Variants in FLNC observed in about 807,000 individuals in gnomAD.
The protein encoded by FLNC is filamin-C.
A neutral mutation model predicts 254.3 loss-of-function variants in FLNC; 91 were observed. The ratio of observed to expected loss-of-function variants is 0.36; its 90% CI spans 0.30 to 0.43. FLNC has a LOEUF of 0.43. Ranked by LOEUF, FLNC falls within the 20% of genes least tolerant of loss-of-function variation. The pLI, the probability that FLNC is intolerant of heterozygous loss-of-function variation, is 1.00. For missense variants in FLNC, 2,853 were observed against 3,802.6 expected (o/e 0.75, Z 6.57); for synonymous variants, 1,430 against 1,577.2 (o/e 0.91, Z 2.21).
At chr7:128,840,308 C>T (rs1047165548) in intron 9 of FLNC, 148 bp downstream of exon 9, 1 of 1,050,412 alleles carries the variant, frequency 9.5e-7, no homozygotes. Context: ...GGCTCATTGT[C>T]TCCTCTCTGC....
In FLNC at chr7:128,835,714, C is replaced by A; in HGVS notation, c.601+140C>A. On this transcript the variant is annotated intron_variant, in intron 2 of 47. Transcript: ENST00000325888. The surrounding 1 kb of genome is among the most constrained non-coding windows in gnomAD (Gnocchi z 5.3). ...AGGATCCCCTGCAGGGTTTGTCCTC[C>A]TCCAGCTGTGGCTCTCCGCTGGCTG... The A allele has an allele frequency of 2.1e-6, 2 of 948,368 alleles. No homozygotes were observed. Among genetic ancestry groups the A allele is most frequent in the Non-Finnish European group, 1.6e-6 (1 of 623,788 alleles). 58.7% of individuals were successfully genotyped at this position (948,368 alleles called of 1,614,324 possible). A position where few individuals can be genotyped will look rare whatever the true frequency, so the allele number is the denominator to read the frequency against.
intron 1 of FLNC, among the ~76,000 whole-genome samples, chr7:128,832,537 G>T (rs1473625671): frequency 6.6e-6 from 1 of 152,204 alleles, no homozygotes; most frequent in Non-Finnish European, 1.5e-5. Flanking sequence ...GTCTGCGGGG[G>T]CTCTCGGCCC....
chr7:128,836,409 T>C lies in FLNC; in HGVS notation c.602-751T>C, dbSNP rs1808094870. 6.6e-6 allele frequency among the ~76,000 whole-genome samples: 1 copy of C among 152,270 alleles called. No individual in the cohort carries two copies. Among genetic ancestry groups the C allele is most frequent in the Admixed American group, 6.5e-5 (1 of 15,310 alleles). On this transcript the variant is annotated intron_variant, in intron 2 of 47. Transcript: ENST00000325888. This position sits in a 1 kb window ranked among gnomAD's most constrained non-coding sequence, Gnocchi z 6.0. ...CCATAACTGGTGTGGCTGCCAGCAG[T>C]GAGCTCAGCTGTTCCAGCCAGTCAT... is the stretch of plus-strand genomic sequence containing the variant.
chr7:128,842,403 A>C lies in FLNC; in HGVS notation c.2265+29A>C. ...CGTCCTCCCGGCCTGCCCCGTGCCC[A>C]CCACCAGGGGTCCCTGAGGGAGGGC... is the stretch of plus-strand genomic sequence containing the variant. On this transcript the variant is annotated intron_variant, in intron 14 of 47. Transcript: ENST00000325888. The surrounding 1 kb of genome is among the most constrained non-coding windows in gnomAD (Gnocchi z 5.4). 1 of 1,613,020 alleles carries C rather than the reference A, an allele frequency of 6.2e-7. No individual in the cohort carries two copies.
rs540386120 is a variant in FLNC at position 128,856,631 on chromosome 7, C to T, written c.7365C>T (p.Tyr2455=). 8.1e-6 allele frequency: 13 copies of T among 1,612,976 alleles called. No individual in the cohort carries two copies. Among genetic ancestry groups the T allele is most frequent in the East Asian group, 2.2e-5 (1 of 44,878 alleles). Residue 2455 remains tyrosine (Y), a synonymous_variant, in exon 44 of 48, where the codon TAC becomes TAT. Coordinates refer to ENST00000325888, the MANE Select transcript of FLNC (RefSeq NM_001458.5). This position sits in a 1 kb window ranked among gnomAD's most constrained non-coding sequence, Gnocchi z 5.9. ...CCTCGGGGGCTGTGGAGGAGTGCTA[C>T]GTCTCTGAGCTGGACAGTGGTGAGC... ...HTPSGAVEEC[Y]VSELDSDKHT... is the part of the protein sequence containing the mutation.
chr7:128,854,952 CCTT>C, intron 42 of FLNC, 40 bp downstream of exon 42: 1 of 1,609,756 alleles, frequency 6.2e-7, no homozygotes. Flanking sequence ...GCCTGCCTGA[CCTT>C]CCAGACTGGG....
At position 128,851,532 on chromosome 7, in the gene FLNC, G is replaced by A. The variant is rs763551371; in HGVS notation, c.5746G>A (p.Val1916Met). The change falls in exon 35 of 48, where the codon GTG becomes ATG. Residue 1916 changes from valine to methionine, a missense_variant. Physicochemically the swap from Val to Met is conservative, Grantham distance 21. Around this residue, in one of 10 missense-constraint regions of FLNC, gnomAD observed 551 missense variants for 835.0 expected, o/e 0.66. Coordinates refer to ENST00000325888, the MANE Select transcript of FLNC (RefSeq NM_001458.5). ...GGACAACAAGGATGGCACCTGCACCGTGTCCTATCTGCCGACTGCGCCTGG... is the reference window on the plus strand; with the variant it reads ...GGACAACAAGGATGGCACCTGCACCATGTCCTATCTGCCGACTGCGCCTGG... Reference protein sequence around the residue: ...CKDNKDGTCTVSYLPTAPGDY... With the variant: ...CKDNKDGTCTMSYLPTAPGDY... 9.3e-6 allele frequency: 15 copies of A among 1,613,876 alleles called. No homozygotes were observed. In the East Asian group the frequency reaches 1.3e-4, roughly 14 times the overall value.
intron 24 of FLNC, 133 bp downstream of exon 24, chr7:128,847,038 C>G (rs1002274500): frequency 7.0e-6 from 8 of 1,138,414 alleles, no homozygotes; most frequent in Non-Finnish European, 1.0e-5. Context: ...GGGTTGGGGC[C>G]GGAGCCCGGC....
In FLNC at chr7:128,842,075, G is replaced by GC; in HGVS notation, c.2122-155dup. Reference sequence around the variant, plus strand: ...CCCAGGGTGGGCTCTGGCCGCCAGAGCACGTGGCCCTGGGCTCTGGTGGCC... The same window carrying GC: ...CCCAGGGTGGGCTCTGGCCGCCAGAGCCACGTGGCCCTGGGCTCTGGTGGCC... On this transcript the variant is annotated intron_variant, in intron 13 of 47. Transcript: ENST00000325888. The surrounding 1 kb of genome is among the most constrained non-coding windows in gnomAD (Gnocchi z 5.4). Among the ~76,000 whole-genome samples the GC allele has an allele frequency of 6.6e-6, 1 of 152,038 alleles. No individual in the cohort carries two copies. Among genetic ancestry groups the GC allele is most frequent in the Non-Finnish European group, 1.5e-5 (1 of 67,990 alleles).
In FLNC at chr7:128,837,620, C is replaced by T; in HGVS notation, c.851-17C>T. ...AGGCTCTCCCTGAGTAACCTGGGCT[C>T]TGCTCCTGCCCCGTAGGCATCGAGC... On this transcript the variant is annotated splice_polypyrimidine_tract_variant and intron_variant, in intron 4 of 47. Transcript: ENST00000325888. 6.2e-7 allele frequency: 1 copy of T among 1,612,976 alleles called. No homozygotes were observed. The highest frequency in any genetic ancestry group is 8.5e-7 in the Non-Finnish European group (1 of 1,179,982).
Position 128,842,035 on chromosome 7 carries a change from G to T in FLNC, c.2122-196G>T, listed in dbSNP as rs1008965785. On this transcript the variant is annotated intron_variant, in intron 13 of 47. Coordinates refer to ENST00000325888, the MANE Select transcript of FLNC (RefSeq NM_001458.5). The surrounding 1 kb of genome is among the most constrained non-coding windows in gnomAD (Gnocchi z 5.4). ...GCTGGGAGAGCAAGCCATACAGATG[G>T]CCTTGAGTCAGGCTCCCAGGGTGGG... Among the ~76,000 whole-genome samples, 11 of 152,086 alleles carry T rather than the reference G, an allele frequency of 7.2e-5. No homozygotes were observed. The highest frequency in any genetic ancestry group is 2.7e-4 in the African/African-American group (11 of 41,418).
At position 128,835,223 on chromosome 7, in the gene FLNC, A is replaced by G; in HGVS notation, c.353-103A>G. 1 of 1,517,942 alleles carries G rather than the reference A, an allele frequency of 6.6e-7. No individual in the cohort carries two copies. The highest frequency in any genetic ancestry group is 9.1e-7 in the Non-Finnish European group (1 of 1,100,292). The allele number at this position is 1,517,942 out of a possible 1,614,324, so 94.0% of individuals were successfully genotyped here. A position where few individuals can be genotyped will look rare whatever the true frequency, so the allele number is the denominator to read the frequency against. ...CAGGTAGGCAGAGACTAGAGGCCTG[A>G]CCCCAGAGCTCTGGCCCGAGGAGCT... On this transcript the variant is annotated intron_variant, in intron 1 of 47. Transcript: ENST00000325888. The surrounding 1 kb of genome is among the most constrained non-coding windows in gnomAD (Gnocchi z 5.3).
rs542704863 is a variant in FLNC, at chr7:128,835,085, C to G, written c.353-241C>G. Among the ~76,000 whole-genome samples, 1 of 152,304 alleles carries G rather than the reference C, an allele frequency of 6.6e-6. No individual in the cohort carries two copies. Among genetic ancestry groups the G allele is most frequent in the Non-Finnish European group, 1.5e-5 (1 of 68,028 alleles). On this transcript the variant is annotated intron_variant, in intron 1 of 47. Coordinates refer to ENST00000325888, the MANE Select transcript of FLNC (RefSeq NM_001458.5). This position sits in a 1 kb window ranked among gnomAD's most constrained non-coding sequence, Gnocchi z 5.3. ...CAGGAGGCAGACTCACTTGCTGTAG[C>G]TGAGGTGAGGGTACCTTCCAGAACC...
chr7:128,842,627 G>A lies in FLNC; in HGVS notation c.2318G>A (p.Gly773Glu). Residue 773 changes from glycine (G) to glutamate (E), a missense_variant, in exon 15 of 48, where the codon GGA (glycine) becomes GAA (glutamate). Around this residue, in one of 10 missense-constraint regions of FLNC, gnomAD observed 1,573 missense variants for 1,883.5 expected, o/e 0.84. Coordinates refer to ENST00000325888, the MANE Select transcript of FLNC (RefSeq NM_001458.5). The surrounding 1 kb of genome is among the most constrained non-coding windows in gnomAD (Gnocchi z 5.4). ...GAGCGGGTAAAGGTGTACGGCCCCG[G>A]AGTGGAGAAGACAGGCCTCAAGGCC... ...HPERVKVYGP[G>E]VEKTGLKANE... 6.4e-7 allele frequency: 1 copy of A among 1,550,742 alleles called. No individual in the cohort carries two copies.
At position 128,856,594 on chromosome 7, in the gene FLNC, G is replaced by A. The variant is rs370293647; in HGVS notation, c.7328G>A (p.Arg2443Gln). 8.7e-6 allele frequency: 14 copies of A among 1,612,608 alleles called. No homozygotes were observed. The highest frequency in any genetic ancestry group is 1.3e-5 in the African/African-American group (1 of 74,918). Reference sequence around the variant, plus strand: ...GGTGCCCGGGGCGTGATTGATGCCCGGGTGCACACACCCTCGGGGGCTGTG... The same window carrying A: ...GGTGCCCGGGGCGTGATTGATGCCCAGGTGCACACACCCTCGGGGGCTGTG... ...LNGARGVIDA[R>Q]VHTPSGAVEE... Residue 2443 changes from arginine (R) to glutamine (Q), a missense_variant, in exon 44 of 48, where the codon CGG becomes CAG. Transcript: ENST00000325888. The surrounding 1 kb of genome is among the most constrained non-coding windows in gnomAD (Gnocchi z 5.9).
Position 128,842,141 on chromosome 7 carries a change from T to C in FLNC, c.2122-90T>C. ...GGGGCGGGAGTGCCAGTGTTGGGGG[T>C]GGGAAAGGAGGCGCTGGGTTCACCT... On this transcript the variant is annotated intron_variant, in intron 13 of 47. Transcript: ENST00000325888. The surrounding 1 kb of genome is among the most constrained non-coding windows in gnomAD (Gnocchi z 5.4). 7.5e-7 allele frequency: 1 copy of C among 1,326,334 alleles called. No homozygotes were observed. The highest frequency in any genetic ancestry group is 1.0e-6 in the Non-Finnish European group (1 of 959,366). The allele number at this position is 1,326,334 out of a possible 1,614,324, so 82.2% of individuals were successfully genotyped here.
At chr7:128,849,749 G>A (rs1480757399) in intron 30 of FLNC, among the ~76,000 whole-genome samples, 171 bp downstream of exon 30, 6 of 152,208 alleles carry the variant, frequency 3.9e-5, no homozygotes, top group African/African-American at 1.4e-4. Context: ...CACCCCCGAA[G>A]TGGGAGGAGA....
intron 2 of FLNC, 130 bp from the exon 3 acceptor site, chr7:128,837,030 C>T (rs1808117682): frequency 5.8e-6 from 4 of 693,642 alleles, no homozygotes; most frequent in Non-Finnish European, 7.7e-6. Flanking sequence ...AGGAACCTGG[C>T]TGGTCAAGGC....
Position 128,843,991 on chromosome 7 carries a change from G to A in FLNC, c.2930-13G>A, listed in dbSNP as rs367572660. On this transcript the variant is annotated splice_polypyrimidine_tract_variant and intron_variant, in intron 19 of 47. Transcript: ENST00000325888. Reference sequence around the variant, plus strand: ...CCGGAGTCTCCTCATGGTGTCACTTGCCCTCCACGCAGAGGTGGCTGTGGG... The same window carrying A: ...CCGGAGTCTCCTCATGGTGTCACTTACCCTCCACGCAGAGGTGGCTGTGGG... The A allele has an allele frequency of 6.2e-6, 10 of 1,614,020 alleles. No individual in the cohort carries two copies. The Admixed American group carries it at 1.3e-4, about 22-fold the overall frequency.
Sources: allele counts gnomAD v4.1 joint callset (sites outside exome capture counted in the v4.1 genomes callset), GRCh38; gene constraint gnomAD v4.1.1; regional missense constraint gnomAD v4.1.1; non-coding constraint Gnocchi (gnomAD v3.1); transcripts MANE v1.5; gene names NCBI Gene and HGNC (gene_info 2026-07-23, HGNC 2026-07-21).